CSGALNACT1: variants seen among roughly 807,000 people sequenced by gnomAD.
CSGALNACT1 encodes beta4GalNAcT-1.
Under a neutral mutation model 51.0 loss-of-function variants are expected in CSGALNACT1, and 52 were observed. The observed-to-expected ratio is 1.02, with a 90% confidence interval of 0.82 to 1.29. The LOEUF is 1.29. CSGALNACT1 is among the 50% of genes most tolerant of loss of function. The pLI is 0.00. For synonymous variants in CSGALNACT1, 341 were observed against 254.4 expected, an observed-to-expected ratio of 1.34 and a Z score of -3.24; for missense variants, 935 against 679.2, an observed-to-expected ratio of 1.38 and a Z score of -4.19.
chr8:19,509,568 G>C (rs2078049221), intron 3 of CSGALNACT1, among the ~76,000 whole-genome samples: 1 of 141,740 alleles, frequency 7.1e-6, no homozygotes, highest in South Asian at 2.2e-4. Context: ...GTTGCAATGA[G>C]CTGAGATTGC....
intron 1 of CSGALNACT1, among the ~76,000 whole-genome samples, chr8:19,726,842 A>T (rs1460607786): frequency 6.6e-6 from 1 of 152,194 alleles, no homozygotes; most frequent in Non-Finnish European, 1.5e-5. Context: ...TAACTTCAAC[A>T]AAAGGGGTTT....
intron 1 of CSGALNACT1, among the ~76,000 whole-genome samples, chr8:19,658,733 C>G (rs1186458038): frequency 1.3e-4 from 20 of 151,894 alleles, no homozygotes; most frequent in Admixed American, 1.3e-3. Context: ...GGCCCTGTCT[C>G]AAAACAACAA....
chr8:19,720,046 C>G (rs2063029989), intron 1 of CSGALNACT1, among the ~76,000 whole-genome samples: 2 of 152,142 alleles, frequency 1.3e-5, no homozygotes, highest in Admixed American at 1.3e-4. Context: ...TGGATGTAAT[C>G]ACAGAGGTAC....
chr8:19,472,258 T>G (rs1018536028), intron 4 of CSGALNACT1, among the ~76,000 whole-genome samples: 1 of 152,194 alleles, frequency 6.6e-6, no homozygotes, highest in African/African-American at 2.4e-5. Flanking sequence ...CACATTCGAA[T>G]GTATATCCAG....
At chr8:19,599,238 G>A (rs1404490685) in intron 2 of CSGALNACT1, among the ~76,000 whole-genome samples, 1 of 151,868 alleles carries the variant, frequency 6.6e-6, no homozygotes, top group African/African-American at 2.4e-5. Context: ...TTTGATAGGA[G>A]GAAAGCAATT....
chr8:19,746,236 G>C (rs2064653717), intron 1 of CSGALNACT1, among the ~76,000 whole-genome samples: 1 of 152,078 alleles, frequency 6.6e-6, no homozygotes, highest in Non-Finnish European at 1.5e-5. Flanking sequence ...GTGAGCTCCT[G>C]GGGTCAGAAT....
intron 5 of CSGALNACT1, among the ~76,000 whole-genome samples, chr8:19,457,237 G>A (rs181588225): frequency 5.3e-4 from 81 of 152,252 alleles, no homozygotes; most frequent in Middle Eastern, 3.4e-3. Context: ...AACAGAGTAC[G>A]CTCATGAACC....
At chr8:19,486,448 C>T (rs112961269) in intron 4 of CSGALNACT1, among the ~76,000 whole-genome samples, 1 of 152,184 alleles carries the variant, frequency 6.6e-6, no homozygotes, top group Non-Finnish European at 1.5e-5. Flanking sequence ...GTCTATGAGG[C>T]TCACATGACA....
chr8:19,496,031 C>A (rs968376434), intron 4 of CSGALNACT1, among the ~76,000 whole-genome samples: 5 of 152,182 alleles, frequency 3.3e-5, no homozygotes, highest in Admixed American at 3.3e-4. Context: ...AAAATAATGA[C>A]CCCGTATTCC....
intron 6 of CSGALNACT1, among the ~76,000 whole-genome samples, chr8:19,436,879 C>G (rs1376660750): frequency 6.6e-6 from 1 of 152,206 alleles, no homozygotes; most frequent in Non-Finnish European, 1.5e-5. Context: ...CCACTGCACT[C>G]TAGTCTGGGC....
intron 4 of CSGALNACT1, among the ~76,000 whole-genome samples, chr8:19,475,485 A>G (rs1412933667): frequency 6.6e-6 from 1 of 152,184 alleles, no homozygotes; most frequent in African/African-American, 2.4e-5. Flanking sequence ...AAAGTTTTGA[A>G]GGAAAGCCCC....
chr8:19,745,013 T>C (rs566595245), intron 1 of CSGALNACT1, among the ~76,000 whole-genome samples: 2 of 152,362 alleles, frequency 1.3e-5, no homozygotes, highest in African/African-American at 2.4e-5. Context: ...AAAGGTACCA[T>C]AGCAATCTTG....
upstream of CSGALNACT1, among the ~76,000 whole-genome samples, chr8:19,603,102 T>G (rs1188883797): frequency 3.8e-5 from 5 of 132,714 alleles, no homozygotes; most frequent in Non-Finnish European, 8.0e-5. Context: ...TTGCTCCCAT[T>G]TCACATGCAG....
intron 3 of CSGALNACT1, among the ~76,000 whole-genome samples, chr8:19,510,531 G>C (rs190994694): frequency 2.8e-4 from 43 of 152,212 alleles, no homozygotes; most frequent in African/African-American, 1.0e-3. Flanking sequence ...AGATGAAAAG[G>C]TGAACCAAGA....
At chr8:19,409,907 A>C (rs546263469) in intron 8 of CSGALNACT1, among the ~76,000 whole-genome samples, 3 of 152,170 alleles carry the variant, frequency 2.0e-5, no homozygotes, top group African/African-American at 4.8e-5. Context: ...AAATTCACTC[A>C]TCCCTTAGGT....
At chr8:19,661,305 C>T (rs1311510804) in intron 1 of CSGALNACT1, among the ~76,000 whole-genome samples, 1 of 152,208 alleles carries the variant, frequency 6.6e-6, no homozygotes, top group East Asian at 1.9e-4. Context: ...TGGGCAGGGA[C>T]TCTGCCTAGA....
chr8:19,718,562 C>T (rs774781084), intron 1 of CSGALNACT1, among the ~76,000 whole-genome samples: 8 of 152,218 alleles, frequency 5.3e-5, no homozygotes, highest in Non-Finnish European at 7.3e-5. Context: ...CATCAATGTA[C>T]TGTTTCTATT....
At chr8:19,656,126 CATGTT>C (rs1052573072) in intron 1 of CSGALNACT1, among the ~76,000 whole-genome samples, 1 of 152,178 alleles carries the variant, frequency 6.6e-6, no homozygotes, top group African/African-American at 2.4e-5. Context: ...CATGGACTCT[CATGTT>C]ATGAAAAGTT....
rs116413138 is a variant in CSGALNACT1, at chr8:19,415,386, A to G, written c.1227+3270T>C. On this transcript the variant is annotated intron_variant, in intron 8 of 9. Coordinates refer to ENST00000454498, the Ensembl canonical transcript of CSGALNACT1. ...AGAAGAATTGCTGTTTCACCAAACT[A>G]AATAGTCATAAATACTGAACTCTAA... 6.2e-3 allele frequency among the ~76,000 whole-genome samples: 948 copies of G among 152,318 alleles called. 9 individuals carry two copies. The highest frequency in any genetic ancestry group is 0.021 in the African/African-American group (893 of 41,562).
Sources: gnomAD v4.1 joint callset for allele counts (sites outside exome capture counted in the v4.1 genomes callset) on GRCh38, gnomAD v4.1.1 for gene constraint, MANE v1.5 for transcripts, NCBI Gene and HGNC (gene_info 2026-07-23, HGNC 2026-07-21) for gene names.